Variants in NFXL1 observed in about 807,000 individuals in gnomAD.
NFXL1 encodes NF-X1-type zinc finger protein NFXL1.
NFXL1 carries 66 observed loss-of-function variants against 123.3 expected under a neutral mutation model. The ratio of observed to expected loss-of-function variants is 0.54; its 90% CI spans 0.44 to 0.66. NFXL1 has a LOEUF of 0.66. Among genes scored for constraint, NFXL1 ranks in the 30% least tolerant of loss-of-function variants. The pLI is 0.00. For synonymous variants in NFXL1, 346 were observed against 360.8 expected (o/e 0.96, Z 0.46); for missense variants, 944 against 1,125.6 (o/e 0.84, Z 2.31).
At chr4:47,901,814 A>C (rs987710361) in intron 5 of NFXL1, among the ~76,000 whole-genome samples, 1 of 152,218 alleles carries the variant, frequency 6.6e-6, no homozygotes, top group Admixed American at 6.5e-5. Context: ...GGAGAATAAA[A>C]TCTCTCACAG....
At position 47,910,967 on chromosome 4, in the gene NFXL1, T is replaced by C; in HGVS notation, c.263A>G (p.Glu88Gly). ...TGCAGCTTGGTTAGCTTTCTTGATT[T>C]CTTCAAATTTTTTCTGAGACATTAG... is the stretch of plus-strand genomic sequence containing the variant. ...SELMSQKKFE[E>G]IKKANQAAAR... The change falls in exon 3 of 23, where the codon GAA (glutamate) becomes GGA (glycine). Residue 88 changes from glutamate (E) to glycine (G), a missense_variant. By Grantham distance (98) the Glu-to-Gly change is moderately conservative (BLOSUM62 -2). Around this residue, in one of 4 missense-constraint regions of NFXL1, gnomAD observed 303 missense variants for 292.1 expected, o/e 1.04. Coordinates refer to ENST00000507489, the MANE Select transcript of NFXL1 (RefSeq NM_001278624.2). 1 of 1,602,702 alleles carries C rather than the reference T, an allele frequency of 6.2e-7. No homozygotes were observed.
At chr4:47,889,763 A>G (rs1338066620) in intron 12 of NFXL1, among the ~76,000 whole-genome samples, 1 of 152,210 alleles carries the variant, frequency 6.6e-6, no homozygotes, top group African/African-American at 2.4e-5. Context: ...GTAATAACTT[A>G]TAACATAATT....
intron 16 of NFXL1, 116 bp downstream of exon 16, chr4:47,878,980 T>C (rs773139693): frequency 1.5e-6 from 1 of 681,124 alleles, no homozygotes; most frequent in Non-Finnish European, 2.5e-6. Context: ...GTACTCTTTA[T>C]AACAGTAAAA....
chr4:47,873,664 C>A (rs531442356), intron 18 of NFXL1, among the ~76,000 whole-genome samples: 1 of 152,276 alleles, frequency 6.6e-6, no homozygotes, highest in South Asian at 2.1e-4. Flanking sequence ...TCATAGAGCA[C>A]AGACTAGATT....
chr4:47,851,950 C>T lies in NFXL1; in HGVS notation c.2422-8G>A. On this transcript the variant is annotated splice_region_variant and splice_polypyrimidine_tract_variant and intron_variant, in intron 20 of 22. Coordinates refer to ENST00000507489, the MANE Select transcript of NFXL1 (RefSeq NM_001278624.2). Reference sequence around the variant, plus strand: ...TTTGTTGCACTGCAATTCCTACAAACAACCCGATTTTCAAATTTTAAATGA... The same window carrying T: ...TTTGTTGCACTGCAATTCCTACAAATAACCCGATTTTCAAATTTTAAATGA... 6.3e-7 allele frequency: 1 copy of T among 1,595,210 alleles called. No homozygotes were observed. Among genetic ancestry groups the T allele is most frequent in the Non-Finnish European group, 8.6e-7 (1 of 1,164,934 alleles).
At chr4:47,868,674 A>C (rs1040463970) in intron 18 of NFXL1, among the ~76,000 whole-genome samples, 2 of 152,210 alleles carry the variant, frequency 1.3e-5, no homozygotes, top group Non-Finnish European at 2.9e-5. Context: ...GACATAATAC[A>C]AACAGTAATC....
rs766967205 is a variant in NFXL1 at position 47,859,585 on chromosome 4, G to A, written c.2316+3261C>T. ...CGGCCAGGTGCAATGTCTCACGCCT[G>A]TAATCCCAGCACTTTGGGAGGCCAA... On this transcript the variant is annotated intron_variant, in intron 19 of 22. Transcript: ENST00000507489. 3.3e-5 allele frequency among the ~76,000 whole-genome samples: 5 copies of A among 152,098 alleles called. No individual in the cohort carries two copies. In the East Asian group the frequency reaches 5.8e-4, roughly 18 times the overall value.
At chr4:47,878,767 C>T in intron 16 of NFXL1, 102 bp from the exon 17 acceptor site, 1 of 817,104 alleles carries the variant, frequency 1.2e-6, no homozygotes, top group Non-Finnish European at 1.8e-6. Context: ...GAACAAGTTT[C>T]AGAAAGGTAT....
intron 19 of NFXL1, 130 bp from the exon 20 acceptor site, chr4:47,855,293 T>C (rs927798777): frequency 5.3e-6 from 2 of 379,468 alleles, no homozygotes; most frequent in African/African-American, 2.2e-5. Flanking sequence ...ATGGGATAAT[T>C]TGTAAACTAT....
intron 9 of NFXL1, 183 bp from the exon 10 acceptor site, chr4:47,896,830 T>C (rs865818419): frequency 5.8e-6 from 3 of 520,442 alleles, no homozygotes; most frequent in Non-Finnish European, 1.0e-5. Flanking sequence ...GTGAAGTTTA[T>C]GGTTTTTAAA....
intron 3 of NFXL1, among the ~76,000 whole-genome samples, chr4:47,905,944 A>C (rs1264620295): frequency 6.6e-6 from 1 of 152,170 alleles, no homozygotes; most frequent in Admixed American, 6.5e-5. Context: ...TCTTTCAGTA[A>C]TTATTGAGTG....
intron 20 of NFXL1, 93 bp downstream of exon 20, chr4:47,854,966 C>T (rs1734324591): frequency 3.1e-6 from 1 of 323,232 alleles, no homozygotes; most frequent in South Asian, 6.8e-5. Flanking sequence ...AGCCAAACAA[C>T]TACCAAAACA....
chr4:47,899,359 A>C lies in NFXL1; in HGVS notation c.826+11T>G, dbSNP rs1433563039. 6.2e-7 allele frequency: 1 copy of C among 1,604,490 alleles called. No homozygotes were observed. The highest frequency in any genetic ancestry group is 8.5e-7 in the Non-Finnish European group (1 of 1,171,976). ...ACCCACAAACAATTTAAAATGCAAT[A>C]TATAACTCACCTGGATGACAGAGGA... On this transcript the variant is annotated intron_variant, in intron 6 of 22. Coordinates refer to ENST00000507489, the MANE Select transcript of NFXL1 (RefSeq NM_001278624.2).
intron 19 of NFXL1, among the ~76,000 whole-genome samples, chr4:47,858,173 A>G (rs562956539): frequency 7.2e-5 from 11 of 152,310 alleles, no homozygotes; most frequent in African/African-American, 2.6e-4. Flanking sequence ...TAAAACCACA[A>G]TGAGATGCAA....
chr4:47,899,373 G>C lies in NFXL1; in HGVS notation c.823C>G (p.Pro275Ala). Reference sequence around the variant, plus strand: ...TAAAATGCAATATATAACTCACCTGGATGACAGAGGAGTAAACATTTATGG... The same window carrying C: ...TAAAATGCAATATATAACTCACCTGCATGACAGAGGAGTAAACATTTATGG... The part of the protein sequence containing the change: ...CGHKCLLLCH[P>A]GPCPPCPKMV... Residue 275 changes from proline (P) to alanine (A), a missense_variant, in exon 6 of 23, where the codon CCA (proline) becomes GCA (alanine). Physicochemically the swap from Pro to Ala is conservative, Grantham distance 27. Around this residue, in one of 4 missense-constraint regions of NFXL1, gnomAD observed 296 missense variants for 395.1 expected, o/e 0.75. Coordinates refer to ENST00000507489, the MANE Select transcript of NFXL1 (RefSeq NM_001278624.2). The C allele has an allele frequency of 6.2e-7, 1 of 1,609,396 alleles. No individual in the cohort carries two copies. The highest frequency in any genetic ancestry group is 2.2e-5 in the East Asian group (1 of 44,816).
intron 20 of NFXL1, among the ~76,000 whole-genome samples, chr4:47,853,058 A>G (rs1734214497): frequency 6.6e-6 from 1 of 151,990 alleles, no homozygotes; most frequent in African/African-American, 2.4e-5. Flanking sequence ...ACATAAGAAA[A>G]TTAACATGAA....
chr4:47,902,454 T>C (rs1737393111), intron 5 of NFXL1, among the ~76,000 whole-genome samples: 1 of 152,072 alleles, frequency 6.6e-6, no homozygotes, highest in Non-Finnish European at 1.5e-5. Flanking sequence ...TGTAAAAAAA[T>C]GATATTGTAT....
intron 5 of NFXL1, among the ~76,000 whole-genome samples, chr4:47,902,172 ACT>A (rs1028216306): frequency 3.3e-5 from 5 of 151,858 alleles, no homozygotes; most frequent in African/African-American, 1.2e-4. Flanking sequence ...ATACAGCAAA[ACT>A]CTGTCTCAAA....
chr4:47,884,312 G>GT (rs747096244), intron 15 of NFXL1, 34 bp downstream of exon 15: 77,073 of 881,546 alleles, frequency 0.087, no homozygotes, highest in South Asian at 0.11. Context: ...AAAGTTTTTT[G>GT]TTTTTTTTTT....
Sources: gnomAD v4.1 joint callset for allele counts (sites outside exome capture counted in the v4.1 genomes callset) on GRCh38, gnomAD v4.1.1 for gene constraint, gnomAD v4.1.1 regional missense constraint, MANE v1.5 for transcripts, NCBI Gene and HGNC (gene_info 2026-07-23, HGNC 2026-07-21) for gene names.